BICD1: variants seen among roughly 807,000 people sequenced by gnomAD.
The protein encoded by BICD1 is protein bicaudal D homolog 1.
In BICD1, 35 loss-of-function variants were observed where a neutral mutation model predicts 92.5. The observed-to-expected ratio is 0.38, with a 90% confidence interval of 0.29 to 0.50. The LOEUF is 0.50. Ranked by LOEUF, BICD1 falls within the 20% of genes least tolerant of loss-of-function variation. The pLI is 0.93. For missense variants in BICD1, 950 were observed against 1,189.8 expected (o/e 0.80, Z 2.97); for synonymous variants, 429 against 465.1 (o/e 0.92, Z 1.00).
rs187047471 is a variant in BICD1, at chr12:32,314,495, A to G, written c.1005+8373A>G. 2.8e-3 allele frequency among the ~76,000 whole-genome samples: 428 copies of G among 152,304 alleles called. 9 individuals carry two copies. The highest frequency in any genetic ancestry group is 0.027 in the Admixed American group (408 of 15,290). The stretch of plus-strand genomic sequence containing the variant: ...GGTGGATGTGAAGTGGTATTTCATT[A>G]TCATCTTGACTTGTATTTCCTTGAT... On this transcript the variant is annotated intron_variant, in intron 4 of 9. Coordinates refer to ENST00000652176, the MANE Select transcript of BICD1 (RefSeq NM_001714.4).
chr12:32,240,592 A>T lies in BICD1; in HGVS notation c.426+24133A>T, dbSNP rs78729023. 3.5e-3 allele frequency among the ~76,000 whole-genome samples: 527 copies of T among 152,284 alleles called. 2 individuals carry two copies. The highest frequency in any genetic ancestry group is 4.7e-3 in the Non-Finnish European group (323 of 68,024). On this transcript the variant is annotated intron_variant, in intron 2 of 9. Coordinates refer to ENST00000652176, the MANE Select transcript of BICD1 (RefSeq NM_001714.4). ...TTAGGGTCTACCTTGCTAATTCCGGATAATCTCTGCATCTCAAAATCCTTA... is the reference window on the plus strand; with the variant it reads ...TTAGGGTCTACCTTGCTAATTCCGGTTAATCTCTGCATCTCAAAATCCTTA...
At chr12:32,200,082 C>T (rs1251641165) in intron 1 of BICD1, among the ~76,000 whole-genome samples, 1 of 152,162 alleles carries the variant, frequency 6.6e-6, no homozygotes, top group Non-Finnish European at 1.5e-5. Context: ...CACACTGGTG[C>T]TCCAGCTATT....
intron 2 of BICD1, among the ~76,000 whole-genome samples, chr12:32,244,570 A>G (rs564538695): frequency 6.6e-6 from 1 of 152,138 alleles, no homozygotes; most frequent in Admixed American, 6.5e-5. Context: ...AGCCCAAATT[A>G]CATGTAATCC....
intron 2 of BICD1, among the ~76,000 whole-genome samples, chr12:32,245,568 T>C (rs1243871173): frequency 3.9e-5 from 6 of 152,212 alleles, no homozygotes; most frequent in African/African-American, 1.2e-4. Flanking sequence ...TCAGAGAGAC[T>C]TGGATTTGAA....
At chr12:32,375,010 C>T (rs557181985) in intron 9 of BICD1, among the ~76,000 whole-genome samples, 4 of 144,798 alleles carry the variant, frequency 2.8e-5, no homozygotes, top group Non-Finnish European at 6.0e-5. Flanking sequence ...GCTCCGCCTC[C>T]CGGGTTCACG....
intron 2 of BICD1, among the ~76,000 whole-genome samples, chr12:32,237,726 G>T (rs1592532374): frequency 6.6e-6 from 1 of 152,122 alleles, no homozygotes; most frequent in South Asian, 2.1e-4. Flanking sequence ...AACGTTTAAA[G>T]CCTGCTGTTG....
chr12:32,217,962 T>G (rs1945408173), intron 2 of BICD1, among the ~76,000 whole-genome samples: 1 of 152,196 alleles, frequency 6.6e-6, no homozygotes, highest in Admixed American at 6.5e-5. Context: ...TGCACACGCA[T>G]GCAGGTGGTT....
intron 1 of BICD1, among the ~76,000 whole-genome samples, chr12:32,211,887 T>C (rs1398212449): frequency 6.6e-6 from 1 of 152,320 alleles, no homozygotes. Context: ...GGCCTTTTAA[T>C]GGATACTGAA....
In BICD1 at chr12:32,221,605, C is replaced by T. The variant is rs984887638; in HGVS notation, c.426+5146C>T. On this transcript the variant is annotated intron_variant, in intron 2 of 9. Coordinates refer to ENST00000652176, the MANE Select transcript of BICD1 (RefSeq NM_001714.4). The stretch of plus-strand genomic sequence containing the variant: ...TTTGAGGCAGAGAATTGCTTGAACC[C>T]GGGAGGCAGAGGTTGCAGTGAGCCA... Among the ~76,000 whole-genome samples the T allele has an allele frequency of 9.9e-5, 15 of 151,606 alleles. No homozygotes were observed. The East Asian group carries it at 2.5e-3, about 25-fold the overall frequency.
chr12:32,360,475 A>G (rs546845051), intron 8 of BICD1, among the ~76,000 whole-genome samples: 1 of 152,332 alleles, frequency 6.6e-6, no homozygotes, highest in South Asian at 2.1e-4. Context: ...CTGGAAATGG[A>G]TGAATTACAA....
chr12:32,249,677 TTCTC>T (rs373946317), intron 2 of BICD1, among the ~76,000 whole-genome samples: 95 of 147,364 alleles, frequency 6.4e-4, no homozygotes, highest in Non-Finnish European at 1.0e-3. Flanking sequence ...GAGTTTTCTT[TTCTC>T]TCTCTCTCTT....
chr12:32,192,923 A>T (rs752765812), intron 1 of BICD1, among the ~76,000 whole-genome samples: 2 of 152,254 alleles, frequency 1.3e-5, no homozygotes, highest in Non-Finnish European at 2.9e-5. Flanking sequence ...TGAATGAATG[A>T]GTACTTGTTT....
chr12:32,271,569 C>T (rs73312732), intron 2 of BICD1, among the ~76,000 whole-genome samples: 4,238 of 152,288 alleles, frequency 0.028, 218 homozygotes, highest in African/African-American at 0.097. Flanking sequence ...CCCAAGGAAT[C>T]ACTGCCTAAA....
intron 1 of BICD1, among the ~76,000 whole-genome samples, chr12:32,206,689 G>A (rs944964837): frequency 2.0e-5 from 3 of 152,190 alleles, no homozygotes; most frequent in Admixed American, 6.5e-5. Flanking sequence ...GCCCAACAGT[G>A]TTCACAGCTA....
At chr12:32,202,807 C>T (rs531501312) in intron 1 of BICD1, among the ~76,000 whole-genome samples, 23 of 152,088 alleles carry the variant, frequency 1.5e-4, no homozygotes, top group Non-Finnish European at 2.6e-4. Context: ...GATGGGGTCT[C>T]GCCATGTTGC....
chr12:32,377,802 G>A lies in BICD1; in HGVS notation c.*175G>A. ...AAGAACACGAAGCACAGACCCTGATGTGATAAAACATTTTGTGGTTTCTCT... is the reference window on the plus strand; with the variant it reads ...AAGAACACGAAGCACAGACCCTGATATGATAAAACATTTTGTGGTTTCTCT... On this transcript the variant is annotated 3_prime_UTR_variant, in exon 10 of 10. Coordinates refer to ENST00000652176, the MANE Select transcript of BICD1 (RefSeq NM_001714.4). 3 of 526,582 alleles carry A rather than the reference G, an allele frequency of 5.7e-6. No individual in the cohort carries two copies. The highest frequency in any genetic ancestry group is 4.5e-4 in the Middle Eastern group (1 of 2,200). The allele number at this position is 526,582 out of a possible 1,614,324, so 32.6% of individuals were successfully genotyped here. A position where few individuals can be genotyped will look rare whatever the true frequency, so the allele number is the denominator to read the frequency against.
At chr12:32,275,306 C>T (rs16919585) in intron 2 of BICD1, among the ~76,000 whole-genome samples, 3,753 of 152,142 alleles carry the variant, frequency 0.025, 148 homozygotes, top group African/African-American at 0.084. Flanking sequence ...ATAAAGGAAC[C>T]CTGGCGGGAT....
At chr12:32,341,954 G>T (rs1938382817) in intron 8 of BICD1, among the ~76,000 whole-genome samples, 1 of 151,570 alleles carries the variant, frequency 6.6e-6, no homozygotes, top group Non-Finnish European at 1.5e-5. Context: ...TTCTATATAA[G>T]AAATATCATA....
chr12:32,110,812 G>GAAC (rs1941655449), intron 1 of BICD1, among the ~76,000 whole-genome samples: 2 of 139,230 alleles, frequency 1.4e-5, no homozygotes, highest in South Asian at 4.8e-4. Context: ...ACAGGAAGGG[G>GAAC]AACATCACAC....
Sources: gnomAD v4.1 joint callset for allele counts (sites outside exome capture counted in the v4.1 genomes callset) on GRCh38, gnomAD v4.1.1 for gene constraint, MANE v1.5 for transcripts, NCBI Gene and HGNC (gene_info 2026-07-23, HGNC 2026-07-21) for gene names.